The following MLLT3 variants were observed in gnomAD, a reference collection of about 807,000 sequenced individuals.
MLLT3 encodes the protein protein AF-9.
A neutral mutation model predicts 53.2 loss-of-function variants in MLLT3; 4 were observed. That is an observed-to-expected ratio of 0.08 (90% CI 0.04 to 0.17). The LOEUF (loss-of-function observed/expected upper bound fraction) is 0.17, where lower values mean the gene tolerates loss of function less well. Among genes scored for constraint, MLLT3 ranks in the 10% least tolerant of loss-of-function variants. MLLT3 has a pLI of 1.00. For synonymous variants in MLLT3, 283 were observed against 230.6 expected, an observed-to-expected ratio of 1.23 and a Z score of -2.06; for missense variants, 569 against 684.0, an observed-to-expected ratio of 0.83 and a Z score of 1.87.
chr9:20,347,398 G>A lies in MLLT3; in HGVS notation c.1576-824C>T, dbSNP rs1310963132. ...AATATTATCTAGAAAAAGAAAGGAT[G>A]CCTTTGTCTTGTCATTTGGAATAGT... is the stretch of plus-strand genomic sequence containing the variant. On this transcript the variant is annotated intron_variant, in intron 10 of 10. Transcript: ENST00000380338. Among the ~76,000 whole-genome samples the A allele has an allele frequency of 2.6e-5, 4 of 152,284 alleles. No homozygotes were observed. In the East Asian group the frequency reaches 7.7e-4, roughly 29 times the overall value.
chr9:20,611,165 G>GT (rs1213877944), intron 2 of MLLT3, among the ~76,000 whole-genome samples: 1 of 152,054 alleles, frequency 6.6e-6, no homozygotes, highest in Non-Finnish European at 1.5e-5. Context: ...CACCCAAAGT[G>GT]TTTTACATGT....
chr9:20,485,952 T>C (rs1824801677), intron 2 of MLLT3, among the ~76,000 whole-genome samples: 1 of 152,238 alleles, frequency 6.6e-6, no homozygotes, highest in South Asian at 2.1e-4. Flanking sequence ...TTGTACTATA[T>C]ACATATAGCA....
At chr9:20,549,926 A>AT (rs1818886094) in intron 2 of MLLT3, among the ~76,000 whole-genome samples, 1 of 152,222 alleles carries the variant, frequency 6.6e-6, no homozygotes, top group Admixed American at 6.5e-5. Flanking sequence ...GGAAATTCCT[A>AT]TTCTACTCCC....
chr9:20,585,821 C>A (rs1285915918), intron 2 of MLLT3, among the ~76,000 whole-genome samples: 2 of 152,116 alleles, frequency 1.3e-5, no homozygotes, highest in Non-Finnish European at 2.9e-5. Flanking sequence ...AGATTGGGCT[C>A]CAACCAGTAA....
At chr9:20,549,936 C>G (rs888839017) in intron 2 of MLLT3, among the ~76,000 whole-genome samples, 1 of 152,174 alleles carries the variant, frequency 6.6e-6, no homozygotes, top group Non-Finnish European at 1.5e-5. Context: ...ATTCTACTCC[C>G]CTCTGCACCT....
At chr9:20,528,709 A>C (rs144525658) in intron 2 of MLLT3, among the ~76,000 whole-genome samples, 128 of 152,314 alleles carry the variant, frequency 8.4e-4, no homozygotes, top group Admixed American at 1.9e-3. Flanking sequence ...TAGGATACTT[A>C]AGATGAAATT....
At chr9:20,557,091 C>A (rs1819079107) in intron 2 of MLLT3, among the ~76,000 whole-genome samples, 1 of 152,082 alleles carries the variant, frequency 6.6e-6, no homozygotes, top group Admixed American at 6.5e-5. Context: ...GTTGGAGTCT[C>A]AGGAACATCA....
rs546594798 is a variant in MLLT3 at position 20,465,533 on chromosome 9, A to C, written c.194-8747T>G. Among the ~76,000 whole-genome samples, 26 of 152,330 alleles carry C rather than the reference A, an allele frequency of 1.7e-4. No individual in the cohort carries two copies. In the South Asian group the frequency reaches 3.1e-3, roughly 18 times the overall value. ...GATAGAAATGGCAATGTGTTATAAA[A>C]TAATCAAATATAATAAATCAAAATT... On this transcript the variant is annotated intron_variant, in intron 2 of 10. Transcript: ENST00000380338.
chr9:20,452,590 A>T (rs766825058), intron 3 of MLLT3, among the ~76,000 whole-genome samples: 43 of 152,356 alleles, frequency 2.8e-4, no homozygotes, highest in Non-Finnish European at 5.3e-4. Flanking sequence ...AGAGTTGTAT[A>T]AACTCCAGGG....
chr9:20,432,664 TC>T (rs1200880050), intron 4 of MLLT3, among the ~76,000 whole-genome samples: 2 of 151,420 alleles, frequency 1.3e-5, no homozygotes, highest in Non-Finnish European at 2.9e-5. Context: ...GCTTTTTTTT[TC>T]AGTCTATGCA....
At chr9:20,449,010 G>T (rs556646684) in intron 3 of MLLT3, among the ~76,000 whole-genome samples, 2 of 152,052 alleles carry the variant, frequency 1.3e-5, no homozygotes, top group African/African-American at 2.4e-5. Flanking sequence ...TACCTTCACT[G>T]CCTACCTCCA....
intron 4 of MLLT3, among the ~76,000 whole-genome samples, chr9:20,416,673 T>C (rs906298445): frequency 6.6e-6 from 1 of 152,142 alleles, no homozygotes; most frequent in African/African-American, 2.4e-5. Flanking sequence ...TGTCTACTGT[T>C]ACCTTTTTAT....
chr9:20,350,511 C>A (rs1031492203), intron 10 of MLLT3, among the ~76,000 whole-genome samples: 2 of 148,240 alleles, frequency 1.3e-5, no homozygotes, highest in Admixed American at 1.3e-4. Flanking sequence ...AGGAGAATGG[C>A]GTGAACCCGG....
intron 5 of MLLT3, among the ~76,000 whole-genome samples, chr9:20,398,288 A>C (rs1034930500): frequency 6.6e-6 from 1 of 151,942 alleles, no homozygotes; most frequent in Non-Finnish European, 1.5e-5. Flanking sequence ...TTTGTTGTCC[A>C]GGCTGGTGTC....
In MLLT3 at chr9:20,621,800, A is replaced by C. The variant is rs1016375200; in HGVS notation, c.12+445T>G. 5.6e-5 allele frequency: 82 copies of C among 1,452,428 alleles called. No homozygotes were observed. In the African/African-American group the frequency reaches 1.2e-3, roughly 20 times the overall value. 90.0% of individuals were successfully genotyped at this position (1,452,428 alleles called of 1,614,324 possible). The stretch of plus-strand genomic sequence containing the variant: ...TCGTAGCGGCCGCGGCGCTTTGCGG[A>C]GGTGCGGCCGCCGAGGCTGCTCGCC... On this transcript the variant is annotated intron_variant, in intron 1 of 10. Coordinates refer to ENST00000380338, the MANE Select transcript of MLLT3 (RefSeq NM_004529.4). This position sits in a 1 kb window ranked among gnomAD's most constrained non-coding sequence, Gnocchi z 7.0.
chr9:20,386,663 A>G (rs1822045368), intron 5 of MLLT3, among the ~76,000 whole-genome samples: 1 of 152,220 alleles, frequency 6.6e-6, no homozygotes. Flanking sequence ...CTGGAATGAG[A>G]CAGCCAAGTG....
chr9:20,363,384 G>C, intron 7 of MLLT3, 92 bp downstream of exon 7: 2 of 1,489,764 alleles, frequency 1.3e-6, no homozygotes, highest in East Asian at 2.3e-5. Context: ...GCCGTTTTTG[G>C]TGTTTCACAC....
At chr9:20,420,264 T>C (rs952792020) in intron 4 of MLLT3, among the ~76,000 whole-genome samples, 2 of 152,148 alleles carry the variant, frequency 1.3e-5, no homozygotes, top group African/African-American at 4.8e-5. Context: ...AAGTATAACT[T>C]AGAATAAAAA....
intron 5 of MLLT3, among the ~76,000 whole-genome samples, chr9:20,409,726 T>G (rs1392471940): frequency 6.6e-6 from 1 of 152,234 alleles, no homozygotes; most frequent in African/African-American, 2.4e-5. Flanking sequence ...CTGTCTACCT[T>G]ATCCAAGCCC....
Sources: allele counts gnomAD v4.1 joint callset (sites outside exome capture counted in the v4.1 genomes callset), GRCh38; gene constraint gnomAD v4.1.1; non-coding constraint Gnocchi (gnomAD v3.1); transcripts MANE v1.5; gene names NCBI Gene and HGNC (gene_info 2026-07-23, HGNC 2026-07-21).